Variants in LAMA3 observed in about 807,000 individuals in gnomAD.
LAMA3 encodes laminin subunit alpha-3.
LAMA3 carries 281 observed loss-of-function variants against 402.0 expected under a neutral mutation model. The observed-to-expected ratio is 0.70, with a 90% confidence interval of 0.63 to 0.77. LAMA3 has a LOEUF of 0.77. LAMA3 is among the 30% of genes least tolerant of loss of function. The pLI is 0.00. For missense variants in LAMA3, 3,840 were observed against 4,215.5 expected (o/e 0.91, Z 2.47); for synonymous variants, 1,431 against 1,558.4 (o/e 0.92, Z 1.93).
At chr18:23,731,096 T>C (rs774409377) in intron 2 of LAMA3, among the ~76,000 whole-genome samples, 1 of 152,218 alleles carries the variant, frequency 6.6e-6, no homozygotes, top group Non-Finnish European at 1.5e-5. Flanking sequence ...CTGCTTTTAC[T>C]CAGCTGTTGC....
intron 44 of LAMA3, among the ~76,000 whole-genome samples, chr18:23,896,058 A>G (rs982004889): frequency 3.3e-5 from 5 of 152,192 alleles, no homozygotes; most frequent in African/African-American, 1.2e-4. Context: ...TGTGTTGACC[A>G]GGCATGGTGG....
chr18:23,701,875 C>G (rs1259222230), intron 1 of LAMA3, among the ~76,000 whole-genome samples: 1 of 152,108 alleles, frequency 6.6e-6, no homozygotes, highest in African/African-American at 2.4e-5. Flanking sequence ...GCAGGAGCAG[C>G]CTTGGAGTGA....
rs760260422 is a variant in LAMA3, at chr18:23,839,896, T to C, written c.3303T>C (p.Asp1101=). The C allele has an allele frequency of 3.7e-6, 6 of 1,614,118 alleles. No homozygotes were observed. The highest frequency in any genetic ancestry group is 5.1e-6 in the Non-Finnish European group (6 of 1,180,050). ...HLPQQSSPSV[D]VLPGVTLKAP... ...CCCAGCAGTCGTCACCTTCTGTTGATGTTCTTCCTGGGGTCACCTTGAAGG... is the reference window on the plus strand; with the variant it reads ...CCCAGCAGTCGTCACCTTCTGTTGACGTTCTTCCTGGGGTCACCTTGAAGG... Residue 1101 remains aspartate, a synonymous_variant, in exon 27 of 75, where the codon GAT becomes GAC. Transcript: ENST00000313654. The surrounding 1 kb of genome is among the most constrained non-coding windows in gnomAD (Gnocchi z 4.5).
chr18:23,816,179 T>C (rs1039220331), intron 17 of LAMA3, among the ~76,000 whole-genome samples: 2 of 152,236 alleles, frequency 1.3e-5, no homozygotes, highest in African/African-American at 4.8e-5. Flanking sequence ...GTTTTGGTTT[T>C]TGTGGTTGAA....
chr18:23,890,165 T>C (rs2080609689), intron 42 of LAMA3, 48 bp downstream of exon 42: 1 of 1,226,168 alleles, frequency 8.2e-7, no homozygotes, highest in Non-Finnish European at 1.2e-6. Context: ...AAAGCTGGTA[T>C]AACTTAACAG....
chr18:23,785,199 A>G (rs757605007), intron 12 of LAMA3, among the ~76,000 whole-genome samples: 12 of 152,196 alleles, frequency 7.9e-5, no homozygotes, highest in Non-Finnish European at 1.5e-4. Context: ...CATCGGTCTA[A>G]TCTTATTCAC....
At chr18:23,861,600 C>T in intron 34 of LAMA3, 46 bp from the exon 35 acceptor site, 1 of 1,609,284 alleles carries the variant, frequency 6.2e-7, no homozygotes, top group Non-Finnish European at 8.5e-7. Flanking sequence ...CCCAGGGATG[C>T]CACGACCAAG....
rs201045690 is a variant in LAMA3 at position 23,864,843 on chromosome 18, A to G, written c.4643A>G (p.Asp1548Gly). The stretch of plus-strand genomic sequence containing the variant: ...GCCAAGTCCTTTGGCTTGCCTGGCG[A>G]CATGGTTCTTCTGGAAAAGAAGCCG... Reference protein sequence around the residue: ...YQAKSFGLPGDMVLLEKKPDV... With the variant: ...YQAKSFGLPGGMVLLEKKPDV... The change falls in exon 36 of 75, where the codon GAC (aspartate) becomes GGC (glycine). Residue 1548 changes from aspartate to glycine, a missense_variant. Physicochemically the swap from Asp to Gly is moderately conservative, Grantham distance 94. Around this residue, in one of 3 missense-constraint regions of LAMA3, gnomAD observed 2,109 missense variants for 2,376.0 expected, o/e 0.89. Coordinates refer to ENST00000313654, the MANE Select transcript of LAMA3 (RefSeq NM_198129.4). 1.2e-3 allele frequency: 1,941 copies of G among 1,613,800 alleles called. 1 individual carries two copies. The highest frequency in any genetic ancestry group is 1.5e-3 in the Non-Finnish European group (1,818 of 1,179,830).
intron 13 of LAMA3, 68 bp from the exon 14 acceptor site, chr18:23,812,989 C>A: frequency 9.1e-7 from 1 of 1,099,350 alleles, no homozygotes; most frequent in Non-Finnish European, 1.4e-6. Flanking sequence ...ACGTTTAAAA[C>A]TTGAAACATC....
chr18:23,717,719 AATTTTTTTTTTTTTTTT>A lies in LAMA3; in HGVS notation c.447+3648_447+3664del, dbSNP rs1193360286. On this transcript the variant is annotated intron_variant, in intron 2 of 74. Coordinates refer to ENST00000313654, the MANE Select transcript of LAMA3 (RefSeq NM_198129.4). ...AGGTGCCCACCACCATGCCTGGCTA[AATTTTTTTTTTTTTTTT>A]TTTTTTTTTTTTTTAGTAGAGACAG... is the stretch of plus-strand genomic sequence containing the variant. 6.9e-4 allele frequency among the ~76,000 whole-genome samples: 81 copies of A among 116,786 alleles called. 1 individual carries two copies. The highest frequency in any genetic ancestry group is 3.3e-3 in the South Asian group (11 of 3,314). The allele number at this position is 116,786 out of a possible 152,430, so 76.6% of individuals were successfully genotyped here. A position where few individuals can be genotyped will look rare whatever the true frequency, so the allele number is the denominator to read the frequency against.
intron 1 of LAMA3, among the ~76,000 whole-genome samples, chr18:23,695,841 T>G (rs185082667): frequency 3.0e-4 from 26 of 86,050 alleles, no homozygotes; most frequent in African/African-American, 1.3e-3. Context: ...AAAAAAGAAA[T>G]ATGTGCACTT....
intron 68 of LAMA3, among the ~76,000 whole-genome samples, chr18:23,941,847 G>T (rs1364269043): frequency 6.6e-6 from 1 of 152,112 alleles, no homozygotes; most frequent in African/African-American, 2.4e-5. Context: ...TGATCACCAG[G>T]CCCACATATG....
chr18:23,838,726 C>T (rs759182814), intron 25 of LAMA3, 55 bp from the exon 26 acceptor site: 84 of 941,160 alleles, frequency 8.9e-5, no homozygotes, highest in South Asian at 3.6e-4. Flanking sequence ...TTGGCCATAC[C>T]GTTTGTTTTG....
intron 62 of LAMA3, among the ~76,000 whole-genome samples, chr18:23,922,021 C>T (rs1041239026): frequency 6.6e-6 from 1 of 152,214 alleles, no homozygotes; most frequent in Non-Finnish European, 1.5e-5. Context: ...ATGTCTCCTT[C>T]ACTTCGGCAT....
At chr18:23,947,113 GCT>G (rs1203307549) in intron 70 of LAMA3, among the ~76,000 whole-genome samples, 1 of 152,196 alleles carries the variant, frequency 6.6e-6, no homozygotes, top group East Asian at 1.9e-4. Flanking sequence ...GAGGAGGGGT[GCT>G]TTTCTAGGTT....
intron 2 of LAMA3, among the ~76,000 whole-genome samples, chr18:23,733,520 T>C (rs988936567): frequency 1.8e-4 from 28 of 152,144 alleles, no homozygotes; most frequent in Admixed American, 4.6e-4. Flanking sequence ...CCCTCCATGA[T>C]TCAATTATCT....
At chr18:23,859,066 C>G (rs111302714) in intron 34 of LAMA3, among the ~76,000 whole-genome samples, 215 of 152,314 alleles carry the variant, frequency 1.4e-3, no homozygotes, top group African/African-American at 4.8e-3. Context: ...GGAGTCATCA[C>G]TCCCTATTTA....
chr18:23,806,148 C>T (rs966974768), intron 12 of LAMA3, among the ~76,000 whole-genome samples: 9 of 152,166 alleles, frequency 5.9e-5, no homozygotes, highest in African/African-American at 2.2e-4. Context: ...ATTATGGTAA[C>T]CACACCCGCC....
intron 2 of LAMA3, among the ~76,000 whole-genome samples, chr18:23,725,909 G>A (rs1480565621): frequency 3.3e-5 from 5 of 152,162 alleles, no homozygotes; most frequent in East Asian, 1.9e-4. Context: ...CAGATTCAGC[G>A]CACCATGCAT....
Sources: gnomAD v4.1 joint callset for allele counts (sites outside exome capture counted in the v4.1 genomes callset) on GRCh38, gnomAD v4.1.1 for gene constraint, gnomAD v4.1.1 regional missense constraint, Gnocchi (gnomAD v3.1) non-coding constraint, MANE v1.5 for transcripts, NCBI Gene and HGNC (gene_info 2026-07-23, HGNC 2026-07-21) for gene names.